The following SNRPA1 variants were observed in gnomAD, a reference collection of about 807,000 sequenced individuals.
The protein encoded by SNRPA1 is U2 small nuclear ribonucleoprotein A'.
Under a neutral mutation model 32.3 loss-of-function variants are expected in SNRPA1, and 5 were observed. That is an observed-to-expected ratio of 0.15 (90% CI 0.08 to 0.33). SNRPA1 has a LOEUF of 0.33. SNRPA1 is among the 10% of genes least tolerant of loss of function. The probability of loss-of-function intolerance (pLI) is 1.00; values close to 1 mark genes in which losing one functional copy is unlikely to be tolerated. For synonymous variants in SNRPA1, 111 were observed against 120.1 expected (o/e 0.92, Z 0.50); for missense variants, 198 against 311.1 (o/e 0.64, Z 2.74).
chr15:101,291,967 C>T lies in SNRPA1; in HGVS notation c.304G>A (p.Glu102Lys). The change falls in exon 3 of 9, where the codon GAA becomes AAA. Residue 102 changes from glutamate to lysine, a missense_variant. Coordinates refer to ENST00000254193, the MANE Select transcript of SNRPA1 (RefSeq NM_003090.4). ...TTTCCTTCTGTGCAACTTACCAGTT[C>T]CACGAGACTATTATTGGTGAGAATG... ...ELILTNNSLV[E>K]LGDLDPLASL... 2 of 1,606,454 alleles carry T rather than the reference C, an allele frequency of 1.2e-6. No homozygotes were observed. Among genetic ancestry groups the T allele is most frequent in the Non-Finnish European group, 1.7e-6 (2 of 1,173,638 alleles).
In SNRPA1 at chr15:101,287,698, T is replaced by C; in HGVS notation, c.314A>G (p.Asp105Gly). 6.2e-7 allele frequency: 1 copy of C among 1,613,874 alleles called. No individual in the cohort carries two copies. The highest frequency in any genetic ancestry group is 2.2e-5 in the East Asian group (1 of 44,884). ...TTTGAGAGATGCCAGAGGGTCCAGA[T>C]CACCCTGTCAAGCAATAGCCACAGG... Reference protein sequence around the residue: ...LTNNSLVELGDLDPLASLKSL... With the variant: ...LTNNSLVELGGLDPLASLKSL... The change falls in exon 4 of 9, where the codon GAT becomes GGT. Residue 105 changes from aspartate (D) to glycine (G), a missense_variant. Transcript: ENST00000254193.
intron 3 of SNRPA1, among the ~76,000 whole-genome samples, chr15:101,290,892 C>A (rs560557812): frequency 1.3e-5 from 2 of 152,188 alleles, no homozygotes; most frequent in South Asian, 4.2e-4. Flanking sequence ...CAGGAACCCA[C>A]CACCACGCCC....
At position 101,286,468 on chromosome 15, in the gene SNRPA1, C is replaced by T. The variant is rs531843850; in HGVS notation, c.460-175G>A. The T allele has an allele frequency of 7.4e-6, 4 of 540,258 alleles. No individual in the cohort carries two copies. The Admixed American group carries it at 1.5e-4, about 20-fold the overall frequency. The allele number at this position is 540,258 out of a possible 1,614,324, so 33.5% of individuals were successfully genotyped here. A position where few individuals can be genotyped will look rare whatever the true frequency, so the allele number is the denominator to read the frequency against. ...GTGGTCTTCTTTCTTTGGTAGAGCT[C>T]CCTGAAGAAAGTTCATTCTCCTAGC... is the stretch of plus-strand genomic sequence containing the variant. On this transcript the variant is annotated intron_variant, in intron 5 of 8. Coordinates refer to ENST00000254193, the MANE Select transcript of SNRPA1 (RefSeq NM_003090.4).
chr15:101,286,379 T>C, intron 5 of SNRPA1, 86 bp from the exon 6 acceptor site: 1 of 1,172,484 alleles, frequency 8.5e-7, no homozygotes, highest in Non-Finnish European at 1.2e-6. Context: ...GGAAGCGAAC[T>C]CTCCTACAGT....
At position 101,293,011 on chromosome 15, in the gene SNRPA1, C is replaced by T; in HGVS notation, c.230+14G>A. Reference sequence around the variant, plus strand: ...CTCTAGGGGAAAAAATTACTTTCCCCTACAGACACGTACCATATTCTGTTG... The same window carrying T: ...CTCTAGGGGAAAAAATTACTTTCCCTTACAGACACGTACCATATTCTGTTG... On this transcript the variant is annotated intron_variant, in intron 2 of 8. Transcript: ENST00000254193. 4 of 1,581,326 alleles carry T rather than the reference C, an allele frequency of 2.5e-6. No individual in the cohort carries two copies. The highest frequency in any genetic ancestry group is 3.4e-6 in the Non-Finnish European group (4 of 1,163,996).
At position 101,286,203 on chromosome 15, in the gene SNRPA1, C is replaced by T; in HGVS notation, c.539+11G>A. 6.2e-7 allele frequency: 1 copy of T among 1,610,646 alleles called. No homozygotes were observed. The highest frequency in any genetic ancestry group is 2.2e-5 in the East Asian group (1 of 44,862). On this transcript the variant is annotated intron_variant, in intron 6 of 8. Transcript: ENST00000254193. ...GGTGAAGTAGAGTTAAGTTGGATAT[C>T]CGTGTCTTACGTTTTGCTTCTCCTG...
intron 7 of SNRPA1, among the ~76,000 whole-genome samples, chr15:101,285,432 A>G (rs1476430603): frequency 6.6e-6 from 1 of 152,216 alleles, no homozygotes; most frequent in East Asian, 1.9e-4. Flanking sequence ...CTTCGAAAGT[A>G]AAAATTAAGG....
At chr15:101,294,480 A>G (rs928006353) in intron 1 of SNRPA1, among the ~76,000 whole-genome samples, 4 of 152,190 alleles carry the variant, frequency 2.6e-5, no homozygotes, top group African/African-American at 7.2e-5. Flanking sequence ...GAAATAGTAC[A>G]GGAATCTGAA....
rs2039395758 is a variant in SNRPA1, at chr15:101,281,661, T to C, written c.*63A>G. The C allele has an allele frequency of 4.1e-6, 5 of 1,208,876 alleles. No homozygotes were observed. The African/African-American group carries it at 4.5e-5, about 11-fold the overall frequency. 74.9% of individuals were successfully genotyped at this position (1,208,876 alleles called of 1,614,324 possible). ...TTTGCTAACACAAACAAGGCTATTATACCATGTTCGAAAAGCAAGACTTGT... is the reference window on the plus strand; with the variant it reads ...TTTGCTAACACAAACAAGGCTATTACACCATGTTCGAAAAGCAAGACTTGT... On this transcript the variant is annotated 3_prime_UTR_variant, in exon 9 of 9. Transcript: ENST00000254193.
At chr15:101,284,802 C>T in intron 8 of SNRPA1, 165 bp downstream of exon 8, 1 of 581,006 alleles carries the variant, frequency 1.7e-6, no homozygotes, top group Non-Finnish European at 3.1e-6. Context: ...GCACCCAACC[C>T]ATCAAATACT....
chr15:101,290,572 C>T (rs894073075), intron 3 of SNRPA1, among the ~76,000 whole-genome samples: 12 of 144,618 alleles, frequency 8.3e-5, no homozygotes, highest in Admixed American at 2.7e-4. Context: ...TTAAGTTATA[C>T]GATTTTTTTT....
chr15:101,281,858 G>A, intron 8 of SNRPA1, 76 bp from the exon 9 acceptor site: 1 of 1,388,338 alleles, frequency 7.2e-7, no homozygotes, highest in Non-Finnish European at 1.0e-6. Flanking sequence ...TGTTTGTTCT[G>A]TGGCCACTGT....
At chr15:101,285,301 T>G (rs946796940) in intron 7 of SNRPA1, among the ~76,000 whole-genome samples, 5 of 152,212 alleles carry the variant, frequency 3.3e-5, no homozygotes, top group Non-Finnish European at 7.3e-5. Flanking sequence ...CTCCACATGT[T>G]CTAAAATCGT....
chr15:101,291,821 A>G, intron 3 of SNRPA1, 141 bp downstream of exon 3: 1 of 569,418 alleles, frequency 1.8e-6, no homozygotes, highest in Non-Finnish European at 3.1e-6. Context: ...TGCAGAACCC[A>G]AAAGGCCCAG....
chr15:101,292,177 A>C, intron 2 of SNRPA1, 137 bp from the exon 3 acceptor site: 1 of 640,434 alleles, frequency 1.6e-6, no homozygotes, highest in Non-Finnish European at 2.7e-6. Flanking sequence ...AAACAAAGCA[A>C]AAAGAACCCT....
chr15:101,287,454 G>A (rs189979748), intron 4 of SNRPA1, among the ~76,000 whole-genome samples: 4 of 151,972 alleles, frequency 2.6e-5, no homozygotes, highest in African/African-American at 4.8e-5. Flanking sequence ...TTGTCCTTGC[G>A]ATAGTTTGCT....
At chr15:101,291,061 G>C (rs1291421683) in intron 3 of SNRPA1, among the ~76,000 whole-genome samples, 1 of 151,666 alleles carries the variant, frequency 6.6e-6, no homozygotes, top group Admixed American at 6.6e-5. Flanking sequence ...ATTACTTATA[G>C]AGAGAGACAA....
In SNRPA1 at chr15:101,287,660, G is replaced by C. The variant is rs1244018389; in HGVS notation, c.352C>G (p.Leu118Val). The change falls in exon 4 of 9, where the codon CTA becomes GTA. Residue 118 changes from leucine (L) to valine (V), a missense_variant. By Grantham distance (32) the Leu-to-Val change is conservative (BLOSUM62 1). Transcript: ENST00000254193. ...PLASLKSLTY[L>V]SILRNPVTNK... ...CACAATATGTAATTCCCATACCTTAGGTAAGTCAGCGATTTGAGAGATGCC... is the reference window on the plus strand; with the variant it reads ...CACAATATGTAATTCCCATACCTTACGTAAGTCAGCGATTTGAGAGATGCC... 1.2e-6 allele frequency: 2 copies of C among 1,613,354 alleles called. No homozygotes were observed. The highest frequency in any genetic ancestry group is 1.7e-6 in the Non-Finnish European group (2 of 1,179,386).
At chr15:101,282,637 C>G (rs971260200) in intron 8 of SNRPA1, among the ~76,000 whole-genome samples, 6 of 152,184 alleles carry the variant, frequency 3.9e-5, no homozygotes, top group Middle Eastern at 3.4e-3. Context: ...AATCTTTTAC[C>G]CGTACATGAT....
Sources: gnomAD v4.1 joint callset for allele counts (sites outside exome capture counted in the v4.1 genomes callset) on GRCh38, gnomAD v4.1.1 for gene constraint, MANE v1.5 for transcripts, NCBI Gene and HGNC (gene_info 2026-07-23, HGNC 2026-07-21) for gene names.